MCMDC2: variants seen among roughly 807,000 people sequenced by gnomAD.
MCMDC2 encodes minichromosome maintenance domain-containing protein 2.
Under a neutral mutation model 75.8 loss-of-function variants are expected in MCMDC2, and 54 were observed. The ratio of observed to expected loss-of-function variants is 0.71; its 90% CI spans 0.57 to 0.89. The LOEUF (loss-of-function observed/expected upper bound fraction) is 0.89, where lower values mean the gene tolerates loss of function less well. Among genes scored for constraint, MCMDC2 ranks in the 40% least tolerant of loss-of-function variants. The pLI is 0.00. For synonymous variants in MCMDC2, 249 were observed against 274.6 expected, an observed-to-expected ratio of 0.91 and a Z score of 0.92; for missense variants, 656 against 780.4, an observed-to-expected ratio of 0.84 and a Z score of 1.90.
intron 14 of MCMDC2, among the ~76,000 whole-genome samples, chr8:66,910,063 G>A (rs751974740): frequency 1.3e-5 from 2 of 152,254 alleles, no homozygotes; most frequent in South Asian, 2.1e-4. Context: ...TGGCTTACAC[G>A]TGGTGTTGGG....
At position 66,890,999 on chromosome 8, in the gene MCMDC2, C is replaced by G. The variant is rs1030476463; in HGVS notation, c.1208C>G (p.Ala403Gly). The G allele has an allele frequency of 2.2e-5, 35 of 1,607,064 alleles. No homozygotes were observed. Among genetic ancestry groups the G allele is most frequent in the Admixed American group, 3.5e-5 (2 of 57,954 alleles). The change falls in exon 10 of 15, where the codon GCT (alanine) becomes GGT (glycine). Residue 403 changes from alanine to glycine, a missense_variant. By Grantham distance (60) the Ala-to-Gly change is moderately conservative (BLOSUM62 0). Transcript: ENST00000422365. ...ATTCAGGCTGGCAGTGCTTTGCTAGCTAAAGGTGGTATCTGCTTTATAGGA... is the reference window on the plus strand; with the variant it reads ...ATTCAGGCTGGCAGTGCTTTGCTAGGTAAAGGTGGTATCTGCTTTATAGGA... Reference protein sequence around the residue: ...VSIQAGSALLAKGGICFIGDL... With the variant: ...VSIQAGSALLGKGGICFIGDL...
intron 8 of MCMDC2, 30 bp downstream of exon 8, chr8:66,881,004 C>G (rs757769719): frequency 7.2e-7 from 1 of 1,389,230 alleles, no homozygotes; most frequent in Non-Finnish European, 9.4e-7. Flanking sequence ...TATATATTAA[C>G]AAATATTTAA....
chr8:66,926,035 G>C (rs930807167), downstream of MCMDC2, among the ~76,000 whole-genome samples: 10 of 152,050 alleles, frequency 6.6e-5, no homozygotes, highest in Admixed American at 6.5e-4. Context: ...TGTAGTCCCA[G>C]CTACCCGGAA....
Position 66,874,337 on chromosome 8 carries a change from AGC to A in MCMDC2, c.107_108del (p.Ser36IlefsTer14). On this transcript the variant is annotated frameshift_variant, in exon 3 of 15. Transcript: ENST00000422365. LOFTEE classifies it high-confidence loss of function. The stretch of plus-strand genomic sequence containing the variant: ...GTATATTTTCATAGATTCAAAACAA[AGC>A]TATGCTGTCTATCGATTCAAAATTT... ...DCKYYNDSKQ[S>X]YAVYRFKILI... 1 of 1,611,280 alleles carries A rather than the reference AGC, an allele frequency of 6.2e-7. No individual in the cohort carries two copies. The highest frequency in any genetic ancestry group is 8.5e-7 in the Non-Finnish European group (1 of 1,179,322).
chr8:66,904,906 A>G (rs1812845297), intron 13 of MCMDC2, among the ~76,000 whole-genome samples: 1 of 152,210 alleles, frequency 6.6e-6, no homozygotes. Context: ...AGAAAAAGTC[A>G]AGGATTTGTC....
chr8:66,920,194 T>A lies in MCMDC2; in HGVS notation c.*1025T>A, dbSNP rs1221114834. The A allele has an allele frequency of 6.6e-6, 1 of 152,224 alleles. No homozygotes were observed. Among genetic ancestry groups the A allele is most frequent in the Non-Finnish European group, 1.5e-5 (1 of 68,072 alleles). The allele number at this position is 152,224 out of a possible 1,614,324, so 9.4% of individuals were successfully genotyped here. A position where few individuals can be genotyped will look rare whatever the true frequency, so the allele number is the denominator to read the frequency against. The stretch of plus-strand genomic sequence containing the variant: ...TTCACTATTACTGAATACCTACTAG[T>A]AGCAGGGAGTAAACAGTATTAGTTT... On this transcript the variant is annotated 3_prime_UTR_variant, in exon 15 of 15. Transcript: ENST00000422365.
chr8:66,919,699 C>G lies in MCMDC2; in HGVS notation c.*530C>G, dbSNP rs1172071045. ...TTATTACTGGCCTGTCCATTACATA[C>G]TACTGTTTTAGAAGCCCTAAATATG... On this transcript the variant is annotated 3_prime_UTR_variant, in exon 15 of 15. Coordinates refer to ENST00000422365, the MANE Select transcript of MCMDC2 (RefSeq NM_173518.5). The G allele has an allele frequency of 6.6e-6, 1 of 152,122 alleles. No homozygotes were observed. Among genetic ancestry groups the G allele is most frequent in the Admixed American group, 6.6e-5 (1 of 15,256 alleles). 9.4% of individuals were successfully genotyped at this position (152,122 alleles called of 1,614,324 possible). A position where few individuals can be genotyped will look rare whatever the true frequency, so the allele number is the denominator to read the frequency against.
At chr8:66,903,736 T>G (rs1812796955) in intron 13 of MCMDC2, among the ~76,000 whole-genome samples, 1 of 152,200 alleles carries the variant, frequency 6.6e-6, no homozygotes, top group Non-Finnish European at 1.5e-5. Flanking sequence ...CACAAGCATC[T>G]TTGCTTTTCT....
At chr8:66,891,141 A>ATGGAT in intron 10 of MCMDC2, 71 bp downstream of exon 10, 1 of 1,271,076 alleles carries the variant, frequency 7.9e-7, no homozygotes, top group Non-Finnish European at 1.1e-6. Context: ...GATACTTAAC[A>ATGGAT]GTTAAGATAG....
rs1301786168 is a variant in MCMDC2, at chr8:66,920,023, A to G, written c.*854A>G. ...TTAATAAAAGATCAGTTCTATTCACAGAAAAGCAAAATGTCATTACCAAAT... is the reference window on the plus strand; with the variant it reads ...TTAATAAAAGATCAGTTCTATTCACGGAAAAGCAAAATGTCATTACCAAAT... On this transcript the variant is annotated 3_prime_UTR_variant, in exon 15 of 15. Transcript: ENST00000422365. The G allele has an allele frequency of 6.6e-6, 1 of 152,224 alleles. No individual in the cohort carries two copies. The highest frequency in any genetic ancestry group is 1.5e-5 in the Non-Finnish European group (1 of 68,038). 9.4% of individuals were successfully genotyped at this position (152,224 alleles called of 1,614,324 possible). A position where few individuals can be genotyped will look rare whatever the true frequency, so the allele number is the denominator to read the frequency against.
intron 12 of MCMDC2, among the ~76,000 whole-genome samples, chr8:66,897,563 C>T (rs961641859): frequency 4.6e-5 from 7 of 152,022 alleles, no homozygotes; most frequent in South Asian, 2.1e-4. Context: ...AGAATCTCAA[C>T]GAAAGAAAAC....
At chr8:66,891,119 C>T (rs1335928214) in intron 10 of MCMDC2, 49 bp downstream of exon 10, 35 of 1,453,280 alleles carry the variant, frequency 2.4e-5, no homozygotes, top group Non-Finnish European at 2.9e-5. Context: ...CCTATACTCT[C>T]ATCCATGTTG....
chr8:66,908,041 T>G (rs1466445485), intron 14 of MCMDC2, among the ~76,000 whole-genome samples: 3 of 152,224 alleles, frequency 2.0e-5, no homozygotes, highest in Non-Finnish European at 2.9e-5. Flanking sequence ...CTGATGATAG[T>G]TTCTTTTGCT....
Position 66,905,305 on chromosome 8 carries a change from C to A in MCMDC2, c.1849C>A (p.Leu617Ile). The change falls in exon 14 of 15, where the codon CTA becomes ATA. Residue 617 changes from leucine (L) to isoleucine (I), a missense_variant. Coordinates refer to ENST00000422365, the MANE Select transcript of MCMDC2 (RefSeq NM_173518.5). ...LKEDVLIAAL[L>I]FETSLTLKYG... Reference sequence around the variant, plus strand: ...AGAAGATGTGCTGATTGCAGCCTTACTATTTGAAACATCCCTCACATTGAA... The same window carrying A: ...AGAAGATGTGCTGATTGCAGCCTTAATATTTGAAACATCCCTCACATTGAA... 6.7e-7 allele frequency: 1 copy of A among 1,484,436 alleles called. No homozygotes were observed. The highest frequency in any genetic ancestry group is 2.6e-5 in the East Asian group (1 of 37,900). The allele number at this position is 1,484,436 out of a possible 1,614,324, so 92.0% of individuals were successfully genotyped here.
At chr8:66,912,070 C>T (rs756421322) in intron 14 of MCMDC2, among the ~76,000 whole-genome samples, 2 of 149,812 alleles carry the variant, frequency 1.3e-5, no homozygotes, top group Non-Finnish European at 3.0e-5. Flanking sequence ...CATTGAAAAC[C>T]TTCTGGAAAA....
At chr8:66,903,180 A>G (rs1416975555) in intron 13 of MCMDC2, among the ~76,000 whole-genome samples, 1 of 151,812 alleles carries the variant, frequency 6.6e-6, no homozygotes, top group East Asian at 1.9e-4. Flanking sequence ...TTACTTCAGG[A>G]AACAGAAAGC....
At chr8:66,900,132 C>T (rs951956988) in intron 12 of MCMDC2, among the ~76,000 whole-genome samples, 7 of 150,828 alleles carry the variant, frequency 4.6e-5, no homozygotes, top group Admixed American at 4.6e-4. Context: ...AAGCCTCCAT[C>T]TCAAAAATAA....
chr8:66,915,892 G>T (rs1813297158), intron 14 of MCMDC2, among the ~76,000 whole-genome samples: 1 of 149,822 alleles, frequency 6.7e-6, no homozygotes, highest in Non-Finnish European at 1.5e-5. Flanking sequence ...ATCAAGTGTT[G>T]TGTGATTTTC....
chr8:66,895,720 T>A (rs1321782938), intron 10 of MCMDC2, among the ~76,000 whole-genome samples: 1 of 152,196 alleles, frequency 6.6e-6, no homozygotes, highest in African/African-American at 2.4e-5. Flanking sequence ...TGAATTTGGC[T>A]TTGAACATGT....
Sources: allele counts gnomAD v4.1 joint callset (sites outside exome capture counted in the v4.1 genomes callset), GRCh38; gene constraint gnomAD v4.1.1; transcripts MANE v1.5; gene names NCBI Gene and HGNC (gene_info 2026-07-23, HGNC 2026-07-21).